Variants in NDST3 observed in about 807,000 individuals in gnomAD.
NDST3 encodes the protein N-deacetylase and N-sulfotransferase 3, also known as bifunctional heparan sulfate N-deacetylase/N-sulfotransferase 3.
A neutral mutation model predicts 96.1 loss-of-function variants in NDST3; 58 were observed. The ratio of observed to expected loss-of-function variants is 0.60; its 90% CI spans 0.49 to 0.75. The LOEUF (loss-of-function observed/expected upper bound fraction) is 0.75, where lower values mean the gene tolerates loss of function less well. NDST3 is among the 30% of genes least tolerant of loss of function. The pLI, the probability that NDST3 is intolerant of heterozygous loss-of-function variation, is 0.00. For synonymous variants in NDST3, 333 were observed against 359.7 expected (o/e 0.93, Z 0.84); for missense variants, 788 against 1,034.2 (o/e 0.76, Z 3.27).
At chr4:118,048,663 C>T (rs552751661) in intron 1 of NDST3, among the ~76,000 whole-genome samples, 35 of 152,042 alleles carry the variant, frequency 2.3e-4, no homozygotes, top group Non-Finnish European at 3.5e-4. Context: ...GAGTACAATC[C>T]GACAACAAGA....
intron 2 of NDST3, 30 bp downstream of exon 2, chr4:118,054,921 T>C: frequency 6.2e-7 from 1 of 1,601,942 alleles, no homozygotes; most frequent in Non-Finnish European, 8.5e-7. Context: ...AGTTTCAAAG[T>C]TCAGTTCATC....
chr4:118,131,411 A>T (rs4131600), intron 4 of NDST3, among the ~76,000 whole-genome samples: 117,116 of 151,844 alleles, frequency 0.77, 48,565 homozygotes, highest in South Asian at 0.92. Context: ...GTCAATTGCA[A>T]TTTTCAACTC....
At chr4:118,245,927 A>G (rs558603994) in intron 12 of NDST3, among the ~76,000 whole-genome samples, 3 of 152,206 alleles carry the variant, frequency 2.0e-5, no homozygotes, top group Non-Finnish European at 4.4e-5. Context: ...AAACTCAATC[A>G]GTTATCTCTG....
chr4:118,211,042 G>A (rs1292142517), intron 6 of NDST3, among the ~76,000 whole-genome samples: 3 of 152,176 alleles, frequency 2.0e-5, no homozygotes, highest in Admixed American at 1.3e-4. Context: ...ACCCACTGGA[G>A]AACAGAGCAT....
chr4:118,183,014 C>A (rs1412883573), intron 6 of NDST3, among the ~76,000 whole-genome samples: 3 of 152,094 alleles, frequency 2.0e-5, no homozygotes, highest in East Asian at 3.9e-4. Context: ...ACTACTCATA[C>A]CAAACAAACA....
intron 10 of NDST3, among the ~76,000 whole-genome samples, chr4:118,238,217 AAG>A (rs1341449983): frequency 1.4e-5 from 2 of 140,926 alleles, no homozygotes; most frequent in Admixed American, 1.4e-4. Flanking sequence ...GAAAGAAAGA[AAG>A]AAAGAAAAAG....
intron 2 of NDST3, among the ~76,000 whole-genome samples, chr4:118,083,303 A>G (rs1376975401): frequency 6.6e-6 from 1 of 152,206 alleles, no homozygotes; most frequent in Non-Finnish European, 1.5e-5. Context: ...CTAAATGGAA[A>G]TTCAATTTTT....
intron 5 of NDST3, among the ~76,000 whole-genome samples, chr4:118,143,233 ACTT>A (rs1733694259): frequency 6.6e-6 from 1 of 151,940 alleles, no homozygotes; most frequent in Non-Finnish European, 1.5e-5. Flanking sequence ...TCTCATTTTT[ACTT>A]CTTTTTTTTT....
intron 6 of NDST3, among the ~76,000 whole-genome samples, chr4:118,181,737 T>G (rs1186039716): frequency 6.6e-6 from 1 of 152,172 alleles, no homozygotes; most frequent in Non-Finnish European, 1.5e-5. Context: ...TGAACTAATC[T>G]TATTTACCAG....
chr4:118,158,856 C>G (rs1392481149), intron 6 of NDST3, among the ~76,000 whole-genome samples: 1 of 152,176 alleles, frequency 6.6e-6, no homozygotes, highest in African/African-American at 2.4e-5. Context: ...ATCCTCCTTC[C>G]TTCCATAGAG....
Position 118,257,320 on chromosome 4 carries a change from G to A in NDST3, c.*1608G>A, listed in dbSNP as rs1430930034. Reference sequence around the variant, plus strand: ...CGCCCGGGTAATTTTTGTATTTTTAGTAGTGACAGGGTTTCACCATGTTGA... The same window carrying A: ...CGCCCGGGTAATTTTTGTATTTTTAATAGTGACAGGGTTTCACCATGTTGA... On this transcript the variant is annotated 3_prime_UTR_variant, in exon 14 of 14. Coordinates refer to ENST00000296499, the MANE Select transcript of NDST3 (RefSeq NM_004784.3). The A allele has an allele frequency of 2.0e-5, 3 of 152,064 alleles. No homozygotes were observed. Among genetic ancestry groups the A allele is most frequent in the Non-Finnish European group, 4.4e-5 (3 of 68,050 alleles). The allele number at this position is 152,064 out of a possible 1,614,324, so 9.4% of individuals were successfully genotyped here.
chr4:118,034,955 A>G (rs1578515472), intron 1 of NDST3, among the ~76,000 whole-genome samples: 1 of 151,620 alleles, frequency 6.6e-6, no homozygotes, highest in South Asian at 2.1e-4. Context: ...ACTTTAAACT[A>G]CCTGCCTATC....
intron 8 of NDST3, among the ~76,000 whole-genome samples, chr4:118,229,422 ATG>A (rs2125997952): frequency 6.6e-6 from 1 of 152,358 alleles, no homozygotes; most frequent in South Asian, 2.1e-4. Context: ...GGTTATTTAA[ATG>A]TGTGTCTATG....
chr4:118,083,304 TTCAATTTTTAG>T (rs1313179686), intron 2 of NDST3, among the ~76,000 whole-genome samples: 3 of 152,190 alleles, frequency 2.0e-5, no homozygotes, highest in African/African-American at 7.2e-5. Context: ...TAAATGGAAA[TTCAATTTTTAG>T]TAAATGTACT....
chr4:118,231,925 T>C (rs1319779784), intron 8 of NDST3, among the ~76,000 whole-genome samples: 1 of 152,172 alleles, frequency 6.6e-6, no homozygotes, highest in Non-Finnish European at 1.5e-5. Context: ...TTGCTCACTT[T>C]TTGAAAAATC....
chr4:118,108,377 G>A (rs966646321), intron 3 of NDST3, among the ~76,000 whole-genome samples: 1 of 152,128 alleles, frequency 6.6e-6, no homozygotes, highest in African/African-American at 2.4e-5. Flanking sequence ...AAACACATAA[G>A]TAATTTTTTA....
intron 6 of NDST3, among the ~76,000 whole-genome samples, chr4:118,143,937 G>A (rs1341193167): frequency 6.6e-6 from 1 of 152,138 alleles, no homozygotes; most frequent in Non-Finnish European, 1.5e-5. Flanking sequence ...ATTGCAAAGT[G>A]ATCAGAAGCT....
At chr4:118,161,574 T>G (rs572972836) in intron 6 of NDST3, among the ~76,000 whole-genome samples, 1 of 152,266 alleles carries the variant, frequency 6.6e-6, no homozygotes, top group South Asian at 2.1e-4. Flanking sequence ...GCCTGGGCGA[T>G]GGTGGGCGCC....
chr4:118,126,514 GTATATATATA>G (rs776694923), intron 4 of NDST3, among the ~76,000 whole-genome samples: 1 of 49,262 alleles, frequency 2.0e-5, no homozygotes, highest in Non-Finnish European at 6.4e-5. Context: ...GTATGTATGT[GTATATATATA>G]TATATATATA....
Sources: allele counts gnomAD v4.1 joint callset (sites outside exome capture counted in the v4.1 genomes callset), GRCh38; gene constraint gnomAD v4.1.1; transcripts MANE v1.5; gene names NCBI Gene and HGNC (gene_info 2026-07-23, HGNC 2026-07-21).